The following PIGL variants were observed in gnomAD, a reference collection of about 807,000 sequenced individuals.
PIGL encodes N-acetylglucosaminyl-phosphatidylinositol de-N-acetylase.
A neutral mutation model predicts 31.1 loss-of-function variants in PIGL; 22 were observed. That is an observed-to-expected ratio of 0.71 (90% CI 0.51 to 1.01). The LOEUF (loss-of-function observed/expected upper bound fraction) is 1.01, where lower values mean the gene tolerates loss of function less well. Among genes scored for constraint, PIGL ranks in the 50% least tolerant of loss-of-function variants. PIGL has a pLI of 0.00. For missense variants in PIGL, 302 were observed against 315.9 expected (o/e 0.96, Z 0.33); for synonymous variants, 131 against 117.4 (o/e 1.12, Z -0.75).
intron 2 of PIGL, among the ~76,000 whole-genome samples, chr17:16,299,543 T>C (rs1337280599): frequency 6.6e-6 from 1 of 152,242 alleles, no homozygotes; most frequent in Admixed American, 6.5e-5. Context: ...TAAAGTACTA[T>C]TACTAATATT....
intron 3 of PIGL, among the ~76,000 whole-genome samples, chr17:16,305,312 C>A (rs1352868857): frequency 6.6e-6 from 1 of 151,972 alleles, no homozygotes; most frequent in African/African-American, 2.4e-5. Context: ...ACAAAAAAAA[C>A]CTCCAGAAGT....
chr17:16,282,133 C>G, intron 2 of PIGL: 1 of 463,826 alleles, frequency 2.2e-6, no homozygotes, highest in Non-Finnish European at 4.7e-6. Context: ...CATCACCAGA[C>G]AGGGTCTTCC....
chr17:16,230,245 A>G (rs1375430242), intron 1 of PIGL, among the ~76,000 whole-genome samples: 1 of 152,084 alleles, frequency 6.6e-6, no homozygotes, highest in Admixed American at 6.6e-5. Context: ...TCCTTTGGGA[A>G]CCCAGGCCTC....
chr17:16,316,880 A>G, intron 5 of PIGL, 168 bp downstream of exon 5: 1 of 1,396,106 alleles, frequency 7.2e-7, no homozygotes. Flanking sequence ...GGCAGGTTGT[A>G]TCTACCAGCA....
intron 3 of PIGL, among the ~76,000 whole-genome samples, chr17:16,309,762 T>TA (rs71150289): frequency 6.8e-6 from 1 of 147,362 alleles, no homozygotes. Flanking sequence ...GACTCCATCT[T>TA]AAAAAAAAAA....
At chr17:16,243,576 C>A (rs1046546897) in intron 2 of PIGL, among the ~76,000 whole-genome samples, 3 of 152,154 alleles carry the variant, frequency 2.0e-5, no homozygotes, top group African/African-American at 7.2e-5. Context: ...CAGACTGAAA[C>A]CCAAGTTTAA....
At chr17:16,262,133 G>A (rs930155870) in intron 2 of PIGL, among the ~76,000 whole-genome samples, 4 of 152,084 alleles carry the variant, frequency 2.6e-5, no homozygotes, top group South Asian at 2.1e-4. Context: ...TGAGGCGGGA[G>A]AATCACTTGA....
rs987714864 is a variant in PIGL, at chr17:16,265,754, T to A, written c.335+31684T>A. Among the ~76,000 whole-genome samples the A allele has an allele frequency of 2.7e-5, 4 of 148,750 alleles. No individual in the cohort carries two copies. The South Asian group carries it at 8.5e-4, about 32-fold the overall frequency. ...AGACTCCGTATTAAAAAAAAAAAAA[T>A]CAAGGAAACTTTCTTAGAAACAGCT... On this transcript the variant is annotated intron_variant, in intron 2 of 6. Transcript: ENST00000225609.
intron 3 of PIGL, among the ~76,000 whole-genome samples, chr17:16,301,572 T>TC (rs1491082145): frequency 3.2e-5 from 1 of 31,156 alleles, no homozygotes; most frequent in Non-Finnish European, 6.8e-5. Context: ...AATTTTTAAT[T>TC]TTTTTTTTTT....
At chr17:16,234,796 T>C (rs2092693082) in intron 2 of PIGL, among the ~76,000 whole-genome samples, 1 of 152,188 alleles carries the variant, frequency 6.6e-6, no homozygotes, top group East Asian at 1.9e-4. Flanking sequence ...TTCACATTTG[T>C]TTTTAAATGA....
At chr17:16,323,536 G>A (rs1277408334) in intron 6 of PIGL, among the ~76,000 whole-genome samples, 1 of 150,404 alleles carries the variant, frequency 6.6e-6, no homozygotes, top group Non-Finnish European at 1.5e-5. Flanking sequence ...GCCCTGCCGT[G>A]TATGGGGCCT....
At chr17:16,242,451 G>A (rs1414733168) in intron 2 of PIGL, among the ~76,000 whole-genome samples, 1 of 151,712 alleles carries the variant, frequency 6.6e-6, no homozygotes, top group Non-Finnish European at 1.5e-5. Flanking sequence ...AAGATTTTTT[G>A]GTTAAGAATT....
At chr17:16,307,179 G>T (rs1319915949) in intron 3 of PIGL, among the ~76,000 whole-genome samples, 1 of 152,160 alleles carries the variant, frequency 6.6e-6, no homozygotes, top group East Asian at 1.9e-4. Flanking sequence ...TCTTCATGAG[G>T]TTCCCAATGA....
At chr17:16,236,271 C>T (rs573080064) in intron 2 of PIGL, among the ~76,000 whole-genome samples, 15 of 152,266 alleles carry the variant, frequency 9.9e-5, no homozygotes, top group East Asian at 5.8e-4. Context: ...TAGGAAATTA[C>T]GCGTTTTTAT....
chr17:16,251,997 A>G lies in PIGL; in HGVS notation c.335+17927A>G, dbSNP rs114007876. On this transcript the variant is annotated intron_variant, in intron 2 of 6. Coordinates refer to ENST00000225609, the MANE Select transcript of PIGL (RefSeq NM_004278.4). ...TCTTAACATATTATGAAGAATCTAT[A>G]GAATTATTTTATTTATATTTAGAAA... Among the ~76,000 whole-genome samples the G allele has an allele frequency of 5.0e-3, 753 of 152,060 alleles. 8 individuals carry two copies. The highest frequency in any genetic ancestry group is 0.017 in the African/African-American group (708 of 41,434).
chr17:16,237,894 T>C (rs1165770833), intron 2 of PIGL, among the ~76,000 whole-genome samples: 5 of 151,996 alleles, frequency 3.3e-5, no homozygotes, highest in Non-Finnish European at 5.9e-5. Flanking sequence ...ATTTTCTTCT[T>C]TAATCTTTTC....
intron 2 of PIGL, among the ~76,000 whole-genome samples, chr17:16,263,395 G>A (rs766921563): frequency 6.6e-6 from 1 of 151,872 alleles, no homozygotes; most frequent in African/African-American, 2.4e-5. Context: ...GTCCAGTCTG[G>A]TCTCAAACTC....
chr17:16,268,398 C>T (rs2092854705), intron 2 of PIGL, among the ~76,000 whole-genome samples: 1 of 152,130 alleles, frequency 6.6e-6, no homozygotes, highest in African/African-American at 2.4e-5. Flanking sequence ...TTACTAGCAG[C>T]CTAATAATTA....
chr17:16,293,444 C>T (rs1019027699), intron 2 of PIGL, among the ~76,000 whole-genome samples: 2 of 152,210 alleles, frequency 1.3e-5, no homozygotes, highest in Admixed American at 6.5e-5. Flanking sequence ...AGGAGAATGG[C>T]GTGAAGCCAG....
Sources: allele counts gnomAD v4.1 joint callset (sites outside exome capture counted in the v4.1 genomes callset), GRCh38; gene constraint gnomAD v4.1.1; transcripts MANE v1.5; gene names NCBI Gene and HGNC (gene_info 2026-07-23, HGNC 2026-07-21).